TNFSF13B: variants seen among roughly 807,000 people sequenced by gnomAD.
TNFSF13B encodes TNF superfamily member 13b.
In TNFSF13B, 8 loss-of-function variants were observed where a neutral mutation model predicts 29.1. That is an observed-to-expected ratio of 0.27 (90% CI 0.16 to 0.50). TNFSF13B has a LOEUF of 0.50. Among genes scored for constraint, TNFSF13B ranks in the 20% least tolerant of loss-of-function variants. TNFSF13B has a pLI of 0.98. For missense variants in TNFSF13B, 248 were observed against 334.9 expected, an observed-to-expected ratio of 0.74 and a Z score of 2.03; for synonymous variants, 125 against 130.8, an observed-to-expected ratio of 0.96 and a Z score of 0.30.
chr13:108,278,437 C>T (rs1880817851), intron 2 of TNFSF13B, among the ~76,000 whole-genome samples: 1 of 151,758 alleles, frequency 6.6e-6, no homozygotes, highest in Non-Finnish European at 1.5e-5. Flanking sequence ...CAAGAAAAGG[C>T]CTTGTTTTAG....
At chr13:108,287,097 A>C (rs1476450330) in intron 3 of TNFSF13B, among the ~76,000 whole-genome samples, 3 of 126,144 alleles carry the variant, frequency 2.4e-5, no homozygotes, top group East Asian at 2.6e-4. Context: ...AGGAAGGGGA[A>C]CATCACACAC....
rs371577321 is a variant in TNFSF13B, at chr13:108,303,377, C to T, written c.594+12C>T. Reference sequence around the variant, plus strand: ...TTATATATGGTCAGGTAGGTTGAAACCCTAATTCTGGTTTTACTGTTCAAA... The same window carrying T: ...TTATATATGGTCAGGTAGGTTGAAATCCTAATTCTGGTTTTACTGTTCAAA... On this transcript the variant is annotated intron_variant, in intron 4 of 5. Coordinates refer to ENST00000375887, the MANE Select transcript of TNFSF13B (RefSeq NM_006573.5). 3 of 1,610,136 alleles carry T rather than the reference C, an allele frequency of 1.9e-6. No individual in the cohort carries two copies. In the African/African-American group the frequency reaches 4.0e-5, roughly 22 times the overall value.
intron 2 of TNFSF13B, among the ~76,000 whole-genome samples, chr13:108,278,373 G>C (rs920302348): frequency 6.6e-6 from 1 of 151,936 alleles, no homozygotes; most frequent in Non-Finnish European, 1.5e-5. Flanking sequence ...TGGGTAAGAG[G>C]ACAGAATAAC....
chr13:108,293,526 C>T (rs569526546), intron 3 of TNFSF13B, among the ~76,000 whole-genome samples: 31 of 152,166 alleles, frequency 2.0e-4, no homozygotes, highest in South Asian at 4.1e-4. Flanking sequence ...GTATTACTGC[C>T]ATCTTAAACT....
Position 108,286,819 on chromosome 13 carries a change from G to A in TNFSF13B, c.441G>A (p.Leu147=). The A allele has an allele frequency of 1.9e-6, 3 of 1,572,358 alleles. No homozygotes were observed. The highest frequency in any genetic ancestry group is 2.6e-6 in the Non-Finnish European group (3 of 1,154,318). The change falls in exon 3 of 6, where the codon TTG becomes TTA. Residue 147 remains leucine, a synonymous_variant. Transcript: ENST00000375887. ...GCTTTTTAGTCACTCAAGACTGCTT[G>A]CAACTGATTGCAGACAGTGAAACAC... ...GPEETVTQDC[L]QLIADSETPT...
At chr13:108,275,721 CT>C (rs1370997734) in intron 2 of TNFSF13B, among the ~76,000 whole-genome samples, 16 of 152,100 alleles carry the variant, frequency 1.1e-4, no homozygotes, top group Non-Finnish European at 2.4e-4. Context: ...GCATGTACCC[CT>C]ATCCAGCTTC....
chr13:108,303,734 A>G lies in TNFSF13B; in HGVS notation c.745+130A>G, dbSNP rs1026630558. ...AATAGACAGAAAGACATTCCTCAATATATTGTGTTTTTTAAATCTTGAATA... is the reference window on the plus strand; with the variant it reads ...AATAGACAGAAAGACATTCCTCAATGTATTGTGTTTTTTAAATCTTGAATA... On this transcript the variant is annotated intron_variant, in intron 5 of 5. Transcript: ENST00000375887. 3.2e-6 allele frequency: 3 copies of G among 941,870 alleles called. No homozygotes were observed. In the African/African-American group the frequency reaches 5.0e-5, roughly 16 times the overall value. 58.3% of individuals were successfully genotyped at this position (941,870 alleles called of 1,614,324 possible).
At chr13:108,274,695 A>G (rs561825554) in intron 2 of TNFSF13B, among the ~76,000 whole-genome samples, 3 of 152,160 alleles carry the variant, frequency 2.0e-5, no homozygotes, top group African/African-American at 4.8e-5. Context: ...AGAAAATTCT[A>G]TGCAGCTTTC....
intron 2 of TNFSF13B, among the ~76,000 whole-genome samples, chr13:108,283,444 A>C (rs1214279580): frequency 6.6e-6 from 1 of 152,206 alleles, no homozygotes; most frequent in Non-Finnish European, 1.5e-5. Context: ...TTCTCTTTAA[A>C]GCACATTTTC....
chr13:108,289,942 T>A (rs984100719), intron 3 of TNFSF13B, among the ~76,000 whole-genome samples: 1 of 152,066 alleles, frequency 6.6e-6, no homozygotes, highest in African/African-American at 2.4e-5. Context: ...AGGTAATGCA[T>A]TCACACGTTG....
At position 108,295,367 on chromosome 13, in the gene TNFSF13B, A is replaced by T. The variant is rs1368016244; in HGVS notation, c.482-7886A>T. 2.8e-5 allele frequency among the ~76,000 whole-genome samples: 4 copies of T among 143,662 alleles called. 1 individual carries two copies. The highest frequency in any genetic ancestry group is 1.1e-4 in the African/African-American group (4 of 37,984). 94.2% of individuals were successfully genotyped at this position (143,662 alleles called of 152,430 possible). A position where few individuals can be genotyped will look rare whatever the true frequency, so the allele number is the denominator to read the frequency against. ...TTTTATTTATTTATTTATTTTTTGT[A>T]TTTTTAGTAGAGACTGGATTTCACC... On this transcript the variant is annotated intron_variant, in intron 3 of 5. Coordinates refer to ENST00000375887, the MANE Select transcript of TNFSF13B (RefSeq NM_006573.5).
At chr13:108,304,999 A>G (rs1304218615) in intron 5 of TNFSF13B, among the ~76,000 whole-genome samples, 17 of 152,262 alleles carry the variant, frequency 1.1e-4, no homozygotes, top group Non-Finnish European at 4.4e-5. Flanking sequence ...AAATTTTACA[A>G]GTAACTCTTT....
At chr13:108,288,951 C>A (rs938224469) in intron 3 of TNFSF13B, among the ~76,000 whole-genome samples, 1 of 152,184 alleles carries the variant, frequency 6.6e-6, no homozygotes, top group South Asian at 2.1e-4. Flanking sequence ...GTGTTTTTTT[C>A]TGCGTGACTT....
chr13:108,299,651 T>C (rs2766094), intron 3 of TNFSF13B, among the ~76,000 whole-genome samples: 19,967 of 152,040 alleles, frequency 0.13, 1,382 homozygotes, highest in African/African-American at 0.15. Flanking sequence ...TAAAAATCTC[T>C]CCTGGTATTT....
intron 3 of TNFSF13B, among the ~76,000 whole-genome samples, chr13:108,301,927 A>G (rs1428422628): frequency 6.6e-6 from 1 of 152,194 alleles, no homozygotes; most frequent in Non-Finnish European, 1.5e-5. Context: ...GTCAATTAAA[A>G]CATAAGATCA....
chr13:108,303,967 C>A (rs570040464), intron 5 of TNFSF13B, among the ~76,000 whole-genome samples: 1 of 152,258 alleles, frequency 6.6e-6, no homozygotes, highest in African/African-American at 2.4e-5. Context: ...ATAATAATAT[C>A]TGACAAGGAT....
rs184958275 is a variant in TNFSF13B, at chr13:108,297,736, G to A, written c.482-5517G>A. ...TCTCATAGACCTCATATTCCCTACG[G>A]ATGCATATCCTCCCCCATTATCAAA... On this transcript the variant is annotated intron_variant, in intron 3 of 5. Transcript: ENST00000375887. 2.1e-4 allele frequency among the ~76,000 whole-genome samples: 30 copies of A among 145,404 alleles called. 3 individuals are homozygous for A. Among genetic ancestry groups the A allele is most frequent in the African/African-American group, 6.7e-4 (26 of 38,740 alleles).
chr13:108,289,263 G>A (rs1881235683), intron 3 of TNFSF13B, among the ~76,000 whole-genome samples: 1 of 151,978 alleles, frequency 6.6e-6, no homozygotes, highest in African/African-American at 2.4e-5. Context: ...CTGGAGTGGT[G>A]ACTGCTTGCC....
In TNFSF13B at chr13:108,286,804, C is replaced by T. The variant is rs767327512; in HGVS notation, c.426C>T (p.Val142=). 4.5e-6 allele frequency: 7 copies of T among 1,558,454 alleles called. No homozygotes were observed. In the African/African-American group the frequency reaches 6.8e-5, roughly 15 times the overall value. ...KRAVQGPEET[V]TQDCLQLIAD... is the part of the protein sequence containing the mutation. ...AAATGATAAATTTTTGCTTTTTAGTCACTCAAGACTGCTTGCAACTGATTG... is the reference window on the plus strand; with the variant it reads ...AAATGATAAATTTTTGCTTTTTAGTTACTCAAGACTGCTTGCAACTGATTG... The change falls in exon 3 of 6, where the codon GTC becomes GTT. Residue 142 remains valine (V), a splice_region_variant and synonymous_variant. Transcript: ENST00000375887.
Sources: gnomAD v4.1 joint callset for allele counts (sites outside exome capture counted in the v4.1 genomes callset) on GRCh38, gnomAD v4.1.1 for gene constraint, MANE v1.5 for transcripts, NCBI Gene and HGNC (gene_info 2026-07-23, HGNC 2026-07-21) for gene names.